The following MYLK4 variants were observed in gnomAD, a reference collection of about 807,000 sequenced individuals.
MYLK4 encodes the protein caMLCK like.
MYLK4 carries 46 observed loss-of-function variants against 48.1 expected under a neutral mutation model. The observed-to-expected ratio is 0.96, with a 90% confidence interval of 0.75 to 1.22. MYLK4 has a LOEUF of 1.22. Among genes scored for constraint, MYLK4 ranks in the 50% most tolerant of loss-of-function variants. The pLI, the probability that MYLK4 is intolerant of heterozygous loss-of-function variation, is 0.00. For missense variants in MYLK4, 451 were observed against 486.1 expected (o/e 0.93, Z 0.68); for synonymous variants, 170 against 180.8 (o/e 0.94, Z 0.48).
At chr6:2,733,921 G>A (rs1351947193) in intron 2 of MYLK4, among the ~76,000 whole-genome samples, 1 of 152,080 alleles carries the variant, frequency 6.6e-6, no homozygotes, top group Admixed American at 6.5e-5. Flanking sequence ...CTTATCTACA[G>A]TGGTTCTCAT....
At chr6:2,694,270 C>T (rs1446801423) in intron 2 of MYLK4, among the ~76,000 whole-genome samples, 2 of 152,020 alleles carry the variant, frequency 1.3e-5, no homozygotes, top group South Asian at 2.1e-4. Flanking sequence ...GCTGCCGCCT[C>T]TTCAAACAAA....
intron 2 of MYLK4, among the ~76,000 whole-genome samples, chr6:2,723,284 C>A (rs935555579): frequency 1.3e-5 from 2 of 152,132 alleles, no homozygotes; most frequent in African/African-American, 2.4e-5. Context: ...CGGAGTCAGA[C>A]CCTGTCTCAA....
chr6:2,691,090 A>G (rs993853770), intron 3 of MYLK4, among the ~76,000 whole-genome samples: 2 of 152,132 alleles, frequency 1.3e-5, no homozygotes, highest in African/African-American at 2.4e-5. Flanking sequence ...TCAGCCTCCT[A>G]AAGTGCTGGG....
At chr6:2,724,452 A>T (rs1466773007) in intron 2 of MYLK4, among the ~76,000 whole-genome samples, 1 of 152,184 alleles carries the variant, frequency 6.6e-6, no homozygotes, top group African/African-American at 2.4e-5. Flanking sequence ...GCAGGGGGAA[A>T]GGTATGCAGG....
chr6:2,694,010 C>G (rs924772228), intron 2 of MYLK4, among the ~76,000 whole-genome samples: 2 of 152,146 alleles, frequency 1.3e-5, no homozygotes, highest in African/African-American at 4.8e-5. Flanking sequence ...CCGCCTGCCC[C>G]GGCCTCCCAA....
chr6:2,755,380 A>G (rs1429298442), upstream of MYLK4, among the ~76,000 whole-genome samples: 2 of 152,186 alleles, frequency 1.3e-5, no homozygotes, highest in African/African-American at 4.8e-5. Flanking sequence ...TAAGATGCAT[A>G]TCTCATGAAA....
chr6:2,737,977 C>CGGGGA (rs1158504264), intron 2 of MYLK4, among the ~76,000 whole-genome samples: 13 of 2,530 alleles, frequency 5.1e-3, no homozygotes, highest in Non-Finnish European at 5.2e-3. Flanking sequence ...GTGCCGGGGG[C>CGGGGA]GGGTGGGGGG....
intron 2 of MYLK4, among the ~76,000 whole-genome samples, chr6:2,717,031 C>T (rs4959711): frequency 0.85 from 129,670 of 152,062 alleles, 55,376 homozygotes; most frequent in Admixed American, 0.89. Flanking sequence ...TGGTGTTCTG[C>T]CAGGTAAGAG....
At chr6:2,709,419 C>T (rs919055143) in intron 2 of MYLK4, among the ~76,000 whole-genome samples, 2 of 152,220 alleles carry the variant, frequency 1.3e-5, no homozygotes, top group Non-Finnish European at 2.9e-5. Context: ...TGGTGTCCCA[C>T]TCAAAGCCAG....
At chr6:2,769,397 C>T in the MYLK4 span, among the ~76,000 whole-genome samples, 1 of 151,662 alleles carries the variant, frequency 6.6e-6, no homozygotes. Context: ...TAAACAAAGC[C>T]ACTTAGGGAT....
At chr6:2,705,629 C>G (rs759117263) in intron 2 of MYLK4, among the ~76,000 whole-genome samples, 1 of 152,146 alleles carries the variant, frequency 6.6e-6, no homozygotes, top group African/African-American at 2.4e-5. Context: ...CAAAAAGCAG[C>G]ACTTTTTGTT....
chr6:2,717,802 A>C (rs1762920989), intron 2 of MYLK4, among the ~76,000 whole-genome samples: 1 of 152,230 alleles, frequency 6.6e-6, no homozygotes, highest in Non-Finnish European at 1.5e-5. Context: ...TTTCACTGCT[A>C]CATGCTGTCT....
chr6:2,715,988 C>A (rs767547811), intron 2 of MYLK4, among the ~76,000 whole-genome samples: 1 of 150,924 alleles, frequency 6.6e-6, no homozygotes, highest in Non-Finnish European at 1.5e-5. Flanking sequence ...GATTCCAGAA[C>A]CTTTGCACTC....
intron 2 of MYLK4, among the ~76,000 whole-genome samples, chr6:2,734,704 ATTAC>A (rs1763607171): frequency 6.6e-6 from 1 of 152,176 alleles, no homozygotes; most frequent in Non-Finnish European, 1.5e-5. Context: ...GCATATGAAT[ATTAC>A]TTAGGTAAGC....
At chr6:2,692,738 C>T (rs1434901573) in intron 3 of MYLK4, 46 bp downstream of exon 3, 35 of 1,540,036 alleles carry the variant, frequency 2.3e-5, no homozygotes, top group East Asian at 1.6e-4. Context: ...ACTTTTATAA[C>T]GGAACTTTCT....
chr6:2,766,171 G>C, the MYLK4 span: 1 of 1,344,112 alleles, frequency 7.4e-7, no homozygotes, highest in East Asian at 3.1e-5. Context: ...CGGACGGCGA[G>C]GACGACCCGG....
chr6:2,762,993 C>G, the MYLK4 span, among the ~76,000 whole-genome samples: 1 of 152,218 alleles, frequency 6.6e-6, no homozygotes, highest in Non-Finnish European at 1.5e-5. Flanking sequence ...AACACCCACA[C>G]AAGCAAAAGA....
chr6:2,695,712 C>T (rs555508013), intron 2 of MYLK4, among the ~76,000 whole-genome samples: 3 of 152,308 alleles, frequency 2.0e-5, no homozygotes, highest in South Asian at 2.1e-4. Flanking sequence ...TTCTCCTGTC[C>T]TTTCCAGGAC....
At chr6:2,760,322 T>C in the MYLK4 span, among the ~76,000 whole-genome samples, 1 of 152,214 alleles carries the variant, frequency 6.6e-6, no homozygotes, top group East Asian at 1.9e-4. Context: ...GTCCCAGACA[T>C]GGAGCTTCCA....
Sources: gnomAD v4.1 joint callset for allele counts (sites outside exome capture counted in the v4.1 genomes callset) on GRCh38, gnomAD v4.1.1 for gene constraint, MANE v1.5 for transcripts, NCBI Gene and HGNC (gene_info 2026-07-23, HGNC 2026-07-21) for gene names.